VPS13B: variants seen among roughly 807,000 people sequenced by gnomAD.
The protein encoded by VPS13B is vacuolar protein sorting 13 homolog B.
A neutral mutation model predicts 426.4 loss-of-function variants in VPS13B; 285 were observed. That is an observed-to-expected ratio of 0.67 (90% confidence interval 0.61 to 0.74). The LOEUF is 0.74. VPS13B is among the 30% of genes least tolerant of loss of function. The pLI is 0.00. For missense variants in VPS13B, 4,537 were observed against 4,782.6 expected, an observed-to-expected ratio of 0.95 and a Z score of 1.51; for synonymous variants, 1,676 against 1,676.4, an observed-to-expected ratio of 1.00 and a Z score of 0.01.
chr8:99,090,835 G>A (rs1049940245), intron 3 of VPS13B, among the ~76,000 whole-genome samples: 11 of 152,052 alleles, frequency 7.2e-5, no homozygotes, highest in Non-Finnish European at 1.0e-4. Flanking sequence ...ATGTGGTTTA[G>A]ACCAGAGTAG....
intron 31 of VPS13B, among the ~76,000 whole-genome samples, chr8:99,566,372 T>C (rs1431934861): frequency 6.6e-6 from 1 of 152,184 alleles, no homozygotes; most frequent in Non-Finnish European, 1.5e-5. Flanking sequence ...GGATAGATAA[T>C]GCCTTGATTC....
intron 51 of VPS13B, among the ~76,000 whole-genome samples, chr8:99,824,392 C>T (rs1307257997): frequency 1.3e-5 from 2 of 152,124 alleles, no homozygotes; most frequent in South Asian, 2.1e-4. Context: ...CTAACTGAGC[C>T]GTGGATCTGC....
intron 35 of VPS13B, among the ~76,000 whole-genome samples, chr8:99,678,630 T>C (rs1398940692): frequency 6.6e-6 from 1 of 152,112 alleles, no homozygotes; most frequent in East Asian, 1.9e-4. Context: ...TCAGGAGGCA[T>C]ATAATGTCCA....
At chr8:99,793,840 G>T (rs369423799) in intron 43 of VPS13B, among the ~76,000 whole-genome samples, 41 of 152,344 alleles carry the variant, frequency 2.7e-4, no homozygotes, top group African/African-American at 9.4e-4. Context: ...CACTCCTAAG[G>T]TTTGATAGCT....
At chr8:99,286,050 T>A (rs1443990899) in intron 19 of VPS13B, among the ~76,000 whole-genome samples, 1 of 152,104 alleles carries the variant, frequency 6.6e-6, no homozygotes, top group Non-Finnish European at 1.5e-5. Context: ...CCCTTCCCAA[T>A]TAATTACTCC....
intron 34 of VPS13B, among the ~76,000 whole-genome samples, chr8:99,646,604 A>G (rs143571231): frequency 3.5e-4 from 54 of 152,170 alleles, no homozygotes; most frequent in African/African-American, 1.2e-3. Context: ...CATATGTATG[A>G]TTGTATGATT....
intron 39 of VPS13B, among the ~76,000 whole-genome samples, chr8:99,728,205 T>G (rs1364773975): frequency 2.0e-5 from 3 of 152,174 alleles, no homozygotes; most frequent in Non-Finnish European, 4.4e-5. Context: ...ACCACTGAAA[T>G]TTTCTGAGAC....
Position 99,443,324 on chromosome 8 carries a change from G to A in VPS13B, c.3445+689G>A, listed in dbSNP as rs1379369629. ...TTGTTCATATTATTATGGTGTAAGT[G>A]TATGAATCCTGATATCACTGAAATT... is the stretch of plus-strand genomic sequence containing the variant. On this transcript the variant is annotated intron_variant, in intron 23 of 61. Coordinates refer to ENST00000357162, the MANE Select transcript of VPS13B (RefSeq NM_152564.5). Among the ~76,000 whole-genome samples the A allele has an allele frequency of 2.6e-5, 4 of 152,216 alleles. No homozygotes were observed. The South Asian group carries it at 8.3e-4, about 32-fold the overall frequency.
intron 43 of VPS13B, among the ~76,000 whole-genome samples, chr8:99,788,339 C>T (rs1187649679): frequency 7.0e-6 from 1 of 143,628 alleles, no homozygotes; most frequent in Non-Finnish European, 1.5e-5. Context: ...TACTTGAGCC[C>T]AGGAGTTCAA....
chr8:99,127,443 C>T (rs898583120), intron 8 of VPS13B, among the ~76,000 whole-genome samples: 6 of 152,160 alleles, frequency 3.9e-5, no homozygotes, highest in Admixed American at 1.3e-4. Flanking sequence ...GCACCCCCAC[C>T]CCCACTATTT....
chr8:99,093,349 T>A (rs958950834), intron 3 of VPS13B, among the ~76,000 whole-genome samples: 2 of 151,918 alleles, frequency 1.3e-5, no homozygotes. Context: ...CACCTCAAAT[T>A]TGGAAATTTT....
chr8:99,493,628 T>A (rs1429537701), intron 25 of VPS13B, among the ~76,000 whole-genome samples: 1 of 151,682 alleles, frequency 6.6e-6, no homozygotes. Context: ...GTACTCCAAA[T>A]ACAAAACTTA....
chr8:99,229,107 G>T (rs1016965912), intron 17 of VPS13B, among the ~76,000 whole-genome samples: 2 of 152,150 alleles, frequency 1.3e-5, no homozygotes, highest in African/African-American at 4.8e-5. Flanking sequence ...ATGGAATTAG[G>T]ACTGCAAACT....
chr8:99,123,702 T>C (rs1848057753), intron 8 of VPS13B, among the ~76,000 whole-genome samples: 2 of 152,156 alleles, frequency 1.3e-5, no homozygotes, highest in South Asian at 2.1e-4. Context: ...TGGATGTGTT[T>C]TGAAGGTCAA....
intron 17 of VPS13B, among the ~76,000 whole-genome samples, chr8:99,223,178 A>T (rs1815823988): frequency 6.6e-6 from 1 of 152,148 alleles, no homozygotes; most frequent in African/African-American, 2.4e-5. Context: ...AATTTTAGAA[A>T]TTATTTATTT....
chr8:99,430,847 T>C (rs890513834), intron 21 of VPS13B, among the ~76,000 whole-genome samples: 3 of 151,886 alleles, frequency 2.0e-5, no homozygotes, highest in African/African-American at 4.8e-5. Flanking sequence ...GGCTCCCGAG[T>C]AGCTGGGATT....
intron 30 of VPS13B, among the ~76,000 whole-genome samples, chr8:99,545,456 A>C (rs1017590381): frequency 1.3e-5 from 2 of 152,106 alleles, no homozygotes; most frequent in African/African-American, 4.8e-5. Flanking sequence ...ACTATGACTC[A>C]AGGAATTAAG....
chr8:99,414,116 G>T (rs1815851581), intron 21 of VPS13B, among the ~76,000 whole-genome samples: 1 of 152,030 alleles, frequency 6.6e-6, no homozygotes. Context: ...CTCCTGTATT[G>T]GGTGCATATA....
At chr8:99,658,025 A>G (rs1830084295) in intron 34 of VPS13B, among the ~76,000 whole-genome samples, 1 of 152,184 alleles carries the variant, frequency 6.6e-6, no homozygotes, top group Non-Finnish European at 1.5e-5. Context: ...TAATTTATAT[A>G]TCCCTGATTA....
Sources: allele counts gnomAD v4.1 joint callset (sites outside exome capture counted in the v4.1 genomes callset), GRCh38; gene constraint gnomAD v4.1.1; transcripts MANE v1.5; gene names NCBI Gene and HGNC (gene_info 2026-07-23, HGNC 2026-07-21).